The following PLXNA1 variants were observed in gnomAD, a reference collection of about 807,000 sequenced individuals.
PLXNA1 encodes the protein plexin A1, also known as plexin-A1.
In PLXNA1, 77 loss-of-function variants were observed where a neutral mutation model predicts 191.7. The ratio of observed to expected loss-of-function variants is 0.40; its 90% CI spans 0.33 to 0.49. The LOEUF (loss-of-function observed/expected upper bound fraction) is 0.49. PLXNA1 is among the 20% of genes least tolerant of loss of function. The pLI, the probability that PLXNA1 is intolerant of heterozygous loss-of-function variation, is 0.63. For synonymous variants in PLXNA1, 1,137 were observed against 1,156.4 expected, an observed-to-expected ratio of 0.98 and a Z score of 0.34; for missense variants, 2,110 against 2,660.2, an observed-to-expected ratio of 0.79 and a Z score of 4.55.
intron 5 of PLXNA1, 28 bp from the exon 6 acceptor site, chr3:127,004,857 C>A (rs371964663): frequency 6.4e-7 from 1 of 1,565,198 alleles, no homozygotes; most frequent in East Asian, 2.3e-5. Flanking sequence ...TCTCCCCATC[C>A]GCCCAGCCTC....
chr3:127,034,170 C>T lies in PLXNA1; in HGVS notation c.*153C>T, dbSNP rs866325827. ...CCCTCCCTCCCCTGCCTCACCCGGT[C>T]GGGTCCCGGCTCTTCCTGTGTGGAG... On this transcript the variant is annotated 3_prime_UTR_variant, in exon 32 of 32. Coordinates refer to ENST00000393409, the MANE Select transcript of PLXNA1 (RefSeq NM_032242.4). 1.7e-5 allele frequency: 11 copies of T among 635,668 alleles called. No homozygotes were observed. The highest frequency in any genetic ancestry group is 9.1e-5 in the African/African-American group (5 of 54,726). The allele number at this position is 635,668 out of a possible 1,614,324, so 39.4% of individuals were successfully genotyped here. A position where few individuals can be genotyped will look rare whatever the true frequency, so the allele number is the denominator to read the frequency against.
chr3:127,003,194 C>G (rs1381804493), intron 3 of PLXNA1, 136 bp from the exon 4 acceptor site: 6 of 966,412 alleles, frequency 6.2e-6, no homozygotes, highest in Non-Finnish European at 8.7e-6. Context: ...GTGAGTATGG[C>G]TGGCGCTGGT....
chr3:126,989,837 G>T, intron 2 of PLXNA1, 50 bp downstream of exon 2: 1 of 1,475,798 alleles, frequency 6.8e-7, no homozygotes, highest in Non-Finnish European at 9.3e-7. Flanking sequence ...CCCCTCCAGG[G>T]ACGACGGCAT....
Position 127,008,137 on chromosome 3 carries a change from G to T in PLXNA1, c.2112+224G>T, listed in dbSNP as rs551712500. ...GTCTTGGCCTGAAGTCAGGCCTGTG[G>T]TATTTGTTGGTGACCCCTGGGTGTC... On this transcript the variant is annotated intron_variant, in intron 9 of 31. Transcript: ENST00000393409. Among the ~76,000 whole-genome samples the T allele has an allele frequency of 2.0e-5, 3 of 152,318 alleles. No homozygotes were observed. In the South Asian group the frequency reaches 6.2e-4, roughly 32 times the overall value.
At chr3:127,017,919 G>T (rs2079132786) in intron 19 of PLXNA1, 27 bp downstream of exon 19, 2 of 1,608,962 alleles carry the variant, frequency 1.2e-6, no homozygotes, top group Non-Finnish European at 1.7e-6. Context: ...GGGGTGCAGA[G>T]CTGGGAGAGC....
Position 127,012,059 on chromosome 3 carries a change from C to T in PLXNA1, c.2214C>T (p.Gly738=). 1.2e-6 allele frequency: 2 copies of T among 1,613,848 alleles called. No individual in the cohort carries two copies. Among genetic ancestry groups the T allele is most frequent in the South Asian group, 1.1e-5 (1 of 91,084 alleles). ...GGAACCTGCCACAGCCACAGTCAGG[C>T]CAGCGTGGATATGAGTGCCTCTTCC... ...AARNLPQPQS[G]QRGYECLFHI... Residue 738 remains glycine (G), a synonymous_variant, in exon 10 of 32, where the codon GGC becomes GGT. Coordinates refer to ENST00000393409, the MANE Select transcript of PLXNA1 (RefSeq NM_032242.4).
chr3:127,005,271 G>A (rs753095268), intron 7 of PLXNA1, 28 bp downstream of exon 7: 32 of 1,583,726 alleles, frequency 2.0e-5, no homozygotes, highest in African/African-American at 4.0e-5. Flanking sequence ...AATGGTGCCC[G>A]CTGCCTGGCC....
At chr3:126,984,588 A>T (rs930046760) in intron 1 of PLXNA1, among the ~76,000 whole-genome samples, 6 of 152,190 alleles carry the variant, frequency 3.9e-5, no homozygotes, top group African/African-American at 1.4e-4. Context: ...CATGTGAACC[A>T]GTGATTCGCT....
chr3:127,018,369 A>G lies in PLXNA1; in HGVS notation c.3736A>G (p.Ile1246Val), dbSNP rs1481673908. The G allele has an allele frequency of 1.2e-6, 2 of 1,613,108 alleles. No individual in the cohort carries two copies. Among genetic ancestry groups the G allele is most frequent in the Non-Finnish European group, 1.7e-6 (2 of 1,180,010 alleles). Residue 1246 changes from isoleucine (I) to valine (V), a missense_variant, in exon 20 of 32, where the codon ATT becomes GTT. By Grantham distance (29) the Ile-to-Val change is conservative. This residue lies in a region of PLXNA1 where 559 missense variants were observed against 911.5 expected (regional missense o/e 0.61). Coordinates refer to ENST00000393409, the MANE Select transcript of PLXNA1 (RefSeq NM_032242.4). ...GGACAGCCTGCTGACGCTGCCTGCC[A>G]TTGTGGGCATTGGCGGAGGCGGGGG... ...YSDSLLTLPA[I>V]VGIGGGGGLL... is the part of the protein sequence containing the mutation.
chr3:126,996,231 G>C (rs1046411248), intron 3 of PLXNA1, among the ~76,000 whole-genome samples: 1 of 152,162 alleles, frequency 6.6e-6, no homozygotes, highest in Non-Finnish European at 1.5e-5. Context: ...CAGCGTGGGA[G>C]GTGTCCTCCG....
Position 127,027,994 on chromosome 3 carries a change from G to A in PLXNA1, c.4417G>A (p.Glu1473Lys), listed in dbSNP as rs1280096592. Residue 1473 changes from glutamate (E) to lysine (K), a missense_variant, in exon 24 of 32, where the codon GAG (glutamate) becomes AAG (lysine). Transcript: ENST00000393409. Reference sequence around the variant, plus strand: ...GTACTGCGCCATCAAGCAGCAGATGGAGAAGGGCCCCATTGACGCCATCAC... The same window carrying A: ...GTACTGCGCCATCAAGCAGCAGATGAAGAAGGGCCCCATTGACGCCATCAC... ...MLYCAIKQQM[E>K]KGPIDAITGE... 1 of 1,613,876 alleles carries A rather than the reference G, an allele frequency of 6.2e-7. No individual in the cohort carries two copies. Among genetic ancestry groups the A allele is most frequent in the Non-Finnish European group, 8.5e-7 (1 of 1,180,016 alleles).
rs2079234834 is a variant in PLXNA1 at position 127,035,233 on chromosome 3, A to G, written c.*1216A>G. 6.6e-6 allele frequency: 1 copy of G among 152,162 alleles called. No individual in the cohort carries two copies. Among genetic ancestry groups the G allele is most frequent in the South Asian group, 2.1e-4 (1 of 4,820 alleles). The allele number at this position is 152,162 out of a possible 1,614,324, so 9.4% of individuals were successfully genotyped here. Reference sequence around the variant, plus strand: ...TTAAAAGAAAGCTGTACATGTATATATATGCATATATATATATGTGGCTCT... The same window carrying G: ...TTAAAAGAAAGCTGTACATGTATATGTATGCATATATATATATGTGGCTCT... On this transcript the variant is annotated 3_prime_UTR_variant, in exon 32 of 32. Coordinates refer to ENST00000393409, the MANE Select transcript of PLXNA1 (RefSeq NM_032242.4).
chr3:126,983,333 G>A (rs1451322640), intron 1 of PLXNA1, among the ~76,000 whole-genome samples, 46 bp downstream of exon 1: 1 of 145,056 alleles, frequency 6.9e-6, no homozygotes, highest in Non-Finnish European at 1.5e-5. Context: ...CGGTGGGCGG[G>A]GGCCGGGCCG....
intron 10 of PLXNA1, among the ~76,000 whole-genome samples, 188 bp downstream of exon 10, chr3:127,012,346 T>C (rs1341787882): frequency 6.6e-6 from 1 of 152,232 alleles, no homozygotes; most frequent in Non-Finnish European, 1.5e-5. Flanking sequence ...GCCTGGGTCA[T>C]GTAGGCAAGT....
Position 127,014,128 on chromosome 3 carries a change from C to T in PLXNA1, c.2410+12C>T, listed in dbSNP as rs992588428. 1 of 1,613,450 alleles carries T rather than the reference C, an allele frequency of 6.2e-7. No homozygotes were observed. The highest frequency in any genetic ancestry group is 1.3e-5 in the African/African-American group (1 of 75,038). ...ACAGAACATCCAGGGTGAGTGGGCG[C>T]CCCGGCGGGGTGGGCAGTGGGCGGG... is the stretch of plus-strand genomic sequence containing the variant. On this transcript the variant is annotated intron_variant, in intron 11 of 31. Coordinates refer to ENST00000393409, the MANE Select transcript of PLXNA1 (RefSeq NM_032242.4).
At position 127,022,372 on chromosome 3, in the gene PLXNA1, G is replaced by A. The variant is rs541929325; in HGVS notation, c.4295+31G>A. On this transcript the variant is annotated intron_variant, in intron 22 of 31. Transcript: ENST00000393409. ...CCTGGGGGGCACTGGGGTTGGGGGA[G>A]GCAGGCCCATGCCTCCAGCTTTGGA... The A allele has an allele frequency of 2.3e-5, 36 of 1,597,492 alleles. No homozygotes were observed. The East Asian group carries it at 6.5e-4, about 29-fold the overall frequency.
intron 9 of PLXNA1, among the ~76,000 whole-genome samples, chr3:127,008,622 G>A (rs2079080139): frequency 6.6e-6 from 1 of 152,166 alleles, no homozygotes; most frequent in African/African-American, 2.4e-5. Context: ...GTGGAGCCGG[G>A]ACTTGCAGCC....
At chr3:126,990,699 C>A (rs561902658) in intron 2 of PLXNA1, among the ~76,000 whole-genome samples, 2 of 152,204 alleles carry the variant, frequency 1.3e-5, no homozygotes, top group South Asian at 4.1e-4. Context: ...ACTGCAAGGG[C>A]CCCTCAGTCC....
chr3:127,014,366 G>A lies in PLXNA1; in HGVS notation c.2595G>A (p.Lys865=). Residue 865 remains lysine, a synonymous_variant, in exon 12 of 32, where the codon AAG becomes AAA. Transcript: ENST00000393409. ...RHGSSRCTDP[K]ILKLSPETGP... ...GCAGCAGTCGCTGCACCGACCCCAA[G>A]ATCCTCAAGGTAGGGCCCCCAGCCC... 1 of 1,592,066 alleles carries A rather than the reference G, an allele frequency of 6.3e-7. No homozygotes were observed. The highest frequency in any genetic ancestry group is 8.5e-7 in the Non-Finnish European group (1 of 1,175,780).
Sources: allele counts gnomAD v4.1 joint callset (sites outside exome capture counted in the v4.1 genomes callset), GRCh38; gene constraint gnomAD v4.1.1; regional missense constraint gnomAD v4.1.1; transcripts MANE v1.5; gene names NCBI Gene and HGNC (gene_info 2026-07-23, HGNC 2026-07-21).